C14orf39: variants seen among roughly 807,000 people sequenced by gnomAD.
C14orf39 encodes chromosome 14 open reading frame 39, also known as protein SIX6OS1.
A neutral mutation model predicts 85.6 loss-of-function variants in C14orf39; 66 were observed. The observed-to-expected ratio is 0.77, with a 90% CI of 0.63 to 0.95. The LOEUF (loss-of-function observed/expected upper bound fraction) is 0.95. Among genes scored for constraint, C14orf39 ranks in the 40% least tolerant of loss-of-function variants. The pLI is 0.00. For missense variants in C14orf39, 735 were observed against 663.9 expected, an observed-to-expected ratio of 1.11 and a Z score of -1.18; for synonymous variants, 242 against 214.0, an observed-to-expected ratio of 1.13 and a Z score of -1.14.
At chr14:60,502,073 T>C (rs117793893) in intron 1 of C14orf39, among the ~76,000 whole-genome samples, 1,947 of 152,324 alleles carry the variant, frequency 0.013, 17 homozygotes, top group Middle Eastern at 0.027. Context: ...GCTCTACTGC[T>C]TTATCTGCTT....
At chr14:60,481,712 A>G (rs1336064297) in intron 4 of C14orf39, among the ~76,000 whole-genome samples, 2 of 152,184 alleles carry the variant, frequency 1.3e-5, no homozygotes, top group African/African-American at 2.4e-5. Flanking sequence ...ACTATTAGCA[A>G]GATTGAGCAT....
intron 17 of C14orf39, among the ~76,000 whole-genome samples, chr14:60,439,763 T>C (rs994652298): frequency 6.6e-6 from 1 of 152,218 alleles, no homozygotes; most frequent in African/African-American, 2.4e-5. Context: ...GAGTGTCAAA[T>C]GAATGAGAAT....
chr14:60,485,221 GCCC>G, intron 1 of C14orf39, 135 bp from the exon 2 acceptor site: 1 of 704,554 alleles, frequency 1.4e-6, no homozygotes, highest in Non-Finnish European at 2.3e-6. Context: ...AAGACGAGAG[GCCC>G]CCTTGAGCCC....
Position 60,506,453 on chromosome 14 carries a change from T to C in C14orf39, c.-143-7023A>G, listed in dbSNP as rs112635798. ...TAAAGGTGGGGTGAGGGTCACCGCC[T>C]TCCCCAAAAGAGGGTTATTCCTAAG... On this transcript the variant is annotated intron_variant, in intron 1 of 5. Coordinates refer to the C14orf39 transcript ENST00000556799. Among the ~76,000 whole-genome samples the C allele has an allele frequency of 9.8e-3, 1,487 of 152,298 alleles. 8 individuals are homozygous for C. The highest frequency in any genetic ancestry group is 0.017 in the Non-Finnish European group (1,185 of 68,014).
chr14:60,471,493 T>C (rs953596659), intron 6 of C14orf39, 34 bp from the exon 7 acceptor site: 2 of 1,580,410 alleles, frequency 1.3e-6, no homozygotes, highest in Admixed American at 1.8e-5. Context: ...AGCTGATTAT[T>C]ATATTCTTTT....
At chr14:60,450,948 GC>G (rs1460768936) in intron 16 of C14orf39, among the ~76,000 whole-genome samples, 1 of 152,202 alleles carries the variant, frequency 6.6e-6, no homozygotes, top group Non-Finnish European at 1.5e-5. Flanking sequence ...TGGGCTTGGA[GC>G]CCAAGTCCCT....
intron 1 of C14orf39, chr14:60,511,129 G>A (rs756162271): frequency 6.2e-7 from 1 of 1,612,842 alleles, no homozygotes; most frequent in Non-Finnish European, 8.5e-7. Context: ...GGGCACTACG[G>A]GCGGAGGGCG....
chr14:60,470,608 C>CT (rs1011632808), intron 7 of C14orf39, among the ~76,000 whole-genome samples: 11 of 151,838 alleles, frequency 7.2e-5, no homozygotes, highest in African/African-American at 2.7e-4. Flanking sequence ...CGTCTACTAA[C>CT]TTTGGCCCCT....
intron 1 of C14orf39, among the ~76,000 whole-genome samples, chr14:60,500,464 G>A (rs1162088263): frequency 6.6e-6 from 1 of 152,074 alleles, no homozygotes; most frequent in Non-Finnish European, 1.5e-5. Context: ...TAATTTGAAG[G>A]AAAAAACTGG....
upstream of C14orf39, among the ~76,000 whole-genome samples, chr14:60,488,824 C>T (rs1373170589): frequency 6.6e-6 from 1 of 151,810 alleles, no homozygotes; most frequent in Non-Finnish European, 1.5e-5. Context: ...TCAGTCTTAT[C>T]CTCCTCCCTT....
intron 15 of C14orf39, among the ~76,000 whole-genome samples, chr14:60,455,673 T>C (rs1024462245): frequency 3.3e-5 from 5 of 152,140 alleles, no homozygotes; most frequent in African/African-American, 7.2e-5. Flanking sequence ...GTTAAAAGCA[T>C]GGATTCTAGA....
chr14:60,496,086 C>T, intron 2 of C14orf39: 1 of 767,692 alleles, frequency 1.3e-6, no homozygotes, highest in Non-Finnish European at 2.1e-6. Context: ...ACCTTGGCTT[C>T]CAGTGTTCTG....
At chr14:60,447,382 C>T (rs1480236392) in intron 16 of C14orf39, among the ~76,000 whole-genome samples, 2 of 152,196 alleles carry the variant, frequency 1.3e-5, no homozygotes, top group Non-Finnish European at 2.9e-5. Context: ...GCAAAAATCA[C>T]AAGCATTCCT....
chr14:60,469,933 T>TG (rs1447147301), intron 7 of C14orf39, among the ~76,000 whole-genome samples: 1 of 149,856 alleles, frequency 6.7e-6, no homozygotes, highest in African/African-American at 2.4e-5. Flanking sequence ...AGGGTAGTTT[T>TG]TTTTTTTTTT....
At chr14:60,464,700 T>A (rs1891698921) in intron 11 of C14orf39, among the ~76,000 whole-genome samples, 1 of 152,100 alleles carries the variant, frequency 6.6e-6, no homozygotes, top group Admixed American at 6.6e-5. Flanking sequence ...CCTGATATAT[T>A]TTCTTCTTTT....
intron 16 of C14orf39, among the ~76,000 whole-genome samples, chr14:60,447,886 A>G (rs1468912148): frequency 1.1e-4 from 16 of 152,018 alleles, no homozygotes; most frequent in Admixed American, 9.8e-4. Context: ...CAGAAATAAC[A>G]CCACACATGT....
At chr14:60,438,946 A>T (rs1206734665) in intron 17 of C14orf39, among the ~76,000 whole-genome samples, 1 of 152,202 alleles carries the variant, frequency 6.6e-6, no homozygotes, top group Non-Finnish European at 1.5e-5. Flanking sequence ...ATAAAAATAC[A>T]GTTAGACAGA....
intron 5 of C14orf39, among the ~76,000 whole-genome samples, chr14:60,476,016 C>CTTTTTTGG (rs1892359005): frequency 1.3e-5 from 2 of 152,226 alleles, no homozygotes; most frequent in South Asian, 4.1e-4. Context: ...GTAAGGATAA[C>CTTTTTTGG]AGCCCTGTGC....
Position 60,456,951 on chromosome 14 carries a change from T to C in C14orf39, c.1324A>G (p.Lys442Glu). The change falls in exon 15 of 18, where the codon AAA becomes GAA. Residue 442 changes from lysine to glutamate, a missense_variant. Lys to Glu is a moderately conservative substitution (Grantham distance 56). Transcript: ENST00000321731. The stretch of plus-strand genomic sequence containing the variant: ...GGGGGGGTTTTAGGGAATTTTATTT[T>C]CTCCAATGACTCAGGTGCTTTCACA... ...KAVKAPESLEKIKFPKTPPFE... is the reference protein window; with the variant it reads ...KAVKAPESLEEIKFPKTPPFE... 1 of 1,588,882 alleles carries C rather than the reference T, an allele frequency of 6.3e-7. No individual in the cohort carries two copies.
Sources: allele counts gnomAD v4.1 joint callset (sites outside exome capture counted in the v4.1 genomes callset), GRCh38; gene constraint gnomAD v4.1.1; transcripts MANE v1.5; gene names NCBI Gene and HGNC (gene_info 2026-07-23, HGNC 2026-07-21).